The following GPN3 variants were observed in gnomAD, a reference collection of about 807,000 sequenced individuals.
The protein encoded by GPN3 is GPN-loop GTPase 3, also known as ATP-binding domain 1 family member C.
Under a neutral mutation model 38.7 loss-of-function variants are expected in GPN3, and 31 were observed. The observed-to-expected ratio is 0.80, with a 90% CI of 0.60 to 1.08. GPN3 has a LOEUF of 1.08. Among genes scored for constraint, GPN3 ranks in the 50% least tolerant of loss-of-function variants. The pLI, the probability that GPN3 is intolerant of heterozygous loss-of-function variation, is 0.00. For synonymous variants in GPN3, 116 were observed against 120.2 expected (o/e 0.96, Z 0.23); for missense variants, 301 against 354.4 (o/e 0.85, Z 1.21).
intron 2 of GPN3, among the ~76,000 whole-genome samples, chr12:110,462,096 G>C (rs2062593726): frequency 6.6e-6 from 1 of 152,094 alleles, no homozygotes; most frequent in South Asian, 2.1e-4. Flanking sequence ...ATCTGCTTTG[G>C]CCTCCCAAAG....
intron 4 of GPN3, 46 bp downstream of exon 4, chr12:110,457,457 CAAAAAAA>C (rs56713819): frequency 9.7e-4 from 575 of 590,114 alleles, no homozygotes; most frequent in East Asian, 2.0e-3. Flanking sequence ...GTCACACACA[CAAAAAAA>C]AAAAAAAAAA....
chr12:110,459,535 C>T (rs896263451), intron 3 of GPN3, among the ~76,000 whole-genome samples, 160 bp downstream of exon 3: 2 of 152,168 alleles, frequency 1.3e-5, no homozygotes, highest in African/African-American at 4.8e-5. Flanking sequence ...CCACTGCGCC[C>T]GGCCTCAACA....
intron 2 of GPN3, chr12:110,461,322 C>A: frequency 1.0e-6 from 1 of 988,510 alleles, no homozygotes; most frequent in South Asian, 1.3e-5. Context: ...GTACCTGTCA[C>A]CACTTTCAAA....
intron 1 of GPN3, among the ~76,000 whole-genome samples, chr12:110,467,348 T>G (rs1331059921): frequency 3.3e-5 from 5 of 152,222 alleles, no homozygotes; most frequent in Non-Finnish European, 7.3e-5. Flanking sequence ...TGTATTTGAA[T>G]GTTCCTAACA....
In GPN3 at chr12:110,459,848, T is replaced by C; in HGVS notation, c.172A>G (p.Ile58Val). The change falls in exon 3 of 8, where the codon ATC becomes GTC. Residue 58 changes from isoleucine (I) to valine (V), a missense_variant. Physicochemically the swap from Ile to Val is conservative, Grantham distance 29 (BLOSUM62 3). Coordinates refer to ENST00000228827, the MANE Select transcript of GPN3 (RefSeq NM_016301.4). ...TCCTCCATTACATCATCCACCTCGA[T>C]CAGTTCCCGGATGTCTGAAAAGGAC... ...YSVMADIREL[I>V]EVDDVMEDDS... 6.2e-7 allele frequency: 1 copy of C among 1,613,986 alleles called. No individual in the cohort carries two copies. The highest frequency in any genetic ancestry group is 1.1e-5 in the South Asian group (1 of 91,080).
At position 110,458,891 on chromosome 12, in the gene GPN3, T is replaced by C. The variant is rs1267593041; in HGVS notation, c.325+804A>G. 1.3e-5 allele frequency among the ~76,000 whole-genome samples: 2 copies of C among 152,242 alleles called. No individual in the cohort carries two copies. Among genetic ancestry groups the C allele is most frequent in the Non-Finnish European group, 2.9e-5 (2 of 68,050 alleles). On this transcript the variant is annotated intron_variant, in intron 3 of 7. Coordinates refer to ENST00000228827, the MANE Select transcript of GPN3 (RefSeq NM_016301.4). The surrounding 1 kb of genome is among the most constrained non-coding windows in gnomAD (Gnocchi z 4.4). Reference sequence around the variant, plus strand: ...TCATGACAATTGCCTCTTTGTTTATTATGCTCCAGCCACACTGGCCTTTTC... The same window carrying C: ...TCATGACAATTGCCTCTTTGTTTATCATGCTCCAGCCACACTGGCCTTTTC...
At chr12:110,460,129 G>C (rs1259723808) in intron 2 of GPN3, among the ~76,000 whole-genome samples, 4 of 152,148 alleles carry the variant, frequency 2.6e-5, no homozygotes, top group Admixed American at 2.6e-4. Flanking sequence ...TAGGTATATT[G>C]TTCAGTGAAA....
intron 6 of GPN3, among the ~76,000 whole-genome samples, chr12:110,455,144 G>A (rs551833034): frequency 4.4e-4 from 66 of 151,458 alleles, no homozygotes; most frequent in Middle Eastern, 3.4e-3. Context: ...TTGTTTTTGA[G>A]ACAAAGTCTT....
At chr12:110,468,056 G>A in intron 1 of GPN3, 100 bp downstream of exon 1, 1 of 1,541,876 alleles carries the variant, frequency 6.5e-7, no homozygotes, top group Non-Finnish European at 9.0e-7. Flanking sequence ...GGGGTCTCAG[G>A]GTTCCCAGTA....
At chr12:110,455,450 G>C in intron 6 of GPN3, 136 bp downstream of exon 6, 1 of 609,114 alleles carries the variant, frequency 1.6e-6, no homozygotes, top group Non-Finnish European at 2.9e-6. Context: ...TTTTTTTAGA[G>C]ATAGGGTGTC....
rs1442667757 is a variant in GPN3, at chr12:110,458,300, GTGAGA to G, written c.326-671_326-667del. On this transcript the variant is annotated intron_variant, in intron 3 of 7. Transcript: ENST00000228827. This position sits in a 1 kb window ranked among gnomAD's most constrained non-coding sequence, Gnocchi z 4.4. The stretch of plus-strand genomic sequence containing the variant: ...CTTTGAGAGCAGCCTGAGCAATATA[GTGAGA>G]TCCTATCTCTACAAAAATAAATAAA... Among the ~76,000 whole-genome samples the G allele has an allele frequency of 6.6e-6, 1 of 152,092 alleles. No homozygotes were observed. The highest frequency in any genetic ancestry group is 1.5e-5 in the Non-Finnish European group (1 of 68,034).
chr12:110,463,262 C>T (rs2062603490), intron 2 of GPN3, among the ~76,000 whole-genome samples: 1 of 151,226 alleles, frequency 6.6e-6, no homozygotes, highest in African/African-American at 2.4e-5. Flanking sequence ...ATGAGACCAG[C>T]CTGGGCAACA....
intron 4 of GPN3, 86 bp downstream of exon 4, chr12:110,457,424 C>T: frequency 1.7e-6 from 2 of 1,199,614 alleles, no homozygotes; most frequent in South Asian, 3.7e-5. Flanking sequence ...TGCGCTCCAG[C>T]CTAGGCAACA....
intron 6 of GPN3, among the ~76,000 whole-genome samples, chr12:110,455,016 G>A (rs1398804154): frequency 6.6e-6 from 1 of 151,554 alleles, no homozygotes; most frequent in African/African-American, 2.4e-5. Context: ...TAGAGATGGG[G>A]TTTCACCATG....
chr12:110,462,123 G>C lies in GPN3; in HGVS notation c.158-2261C>G, dbSNP rs57285053. On this transcript the variant is annotated intron_variant, in intron 2 of 7. Transcript: ENST00000228827. ...CTCCCAAAGTACTGGGATTACAGGT[G>C]TCAGTCATAGCGCCCATCCTAAGTC... Among the ~76,000 whole-genome samples, 1,376 of 152,280 alleles carry C rather than the reference G, an allele frequency of 9.0e-3. 27 individuals carry two copies. The highest frequency in any genetic ancestry group is 0.032 in the African/African-American group (1,316 of 41,566).
chr12:110,468,397 G>C (rs575441096), upstream of GPN3: 1 of 1,528,062 alleles, frequency 6.5e-7, no homozygotes, highest in Admixed American at 2.0e-5. Context: ...GGGGAGGGGC[G>C]AGGGAGAGGA....
At chr12:110,464,900 C>T in intron 2 of GPN3, 1 of 561,186 alleles carries the variant, frequency 1.8e-6, no homozygotes, top group Middle Eastern at 4.8e-4. Context: ...GCCCCATTTA[C>T]TTTTAAATCT....
rs373100421 is a variant in GPN3 at position 110,458,205 on chromosome 12, G to GC, written c.326-572dup. ...TCAATATGAGTGTTATTGGCCAGATGCCATGGTTCACACACCTGTAATCCC... is the reference window on the plus strand; with the variant it reads ...TCAATATGAGTGTTATTGGCCAGATGCCCATGGTTCACACACCTGTAATCCC... On this transcript the variant is annotated intron_variant, in intron 3 of 7. Coordinates refer to ENST00000228827, the MANE Select transcript of GPN3 (RefSeq NM_016301.4). This position sits in a 1 kb window ranked among gnomAD's most constrained non-coding sequence, Gnocchi z 4.4. Among the ~76,000 whole-genome samples the GC allele has an allele frequency of 5.7e-3, 869 of 152,200 alleles. 2 individuals carry two copies. The highest frequency in any genetic ancestry group is 0.02 in the African/African-American group (832 of 41,514).
In GPN3 at chr12:110,468,225, C is replaced by T. The variant is rs1486340095; in HGVS notation, c.-22G>A. The stretch of plus-strand genomic sequence containing the variant: ...GCATGTTGGCTCCCGGAGCCGCCCG[C>T]CACACTCCCTTAGCCTTCGCGCGAC... On this transcript the variant is annotated 5_prime_UTR_variant, in exon 1 of 8. Transcript: ENST00000228827. 2.5e-6 allele frequency: 4 copies of T among 1,608,066 alleles called. No homozygotes were observed. Among genetic ancestry groups the T allele is most frequent in the Non-Finnish European group, 3.4e-6 (4 of 1,179,990 alleles).
Sources: allele counts gnomAD v4.1 joint callset (sites outside exome capture counted in the v4.1 genomes callset), GRCh38; gene constraint gnomAD v4.1.1; non-coding constraint Gnocchi (gnomAD v3.1); transcripts MANE v1.5; gene names NCBI Gene and HGNC (gene_info 2026-07-23, HGNC 2026-07-21).